Variants in RNF180 observed in about 807,000 individuals in gnomAD.
The protein encoded by RNF180 is E3 ubiquitin-protein ligase RNF180.
Under a neutral mutation model 59.2 loss-of-function variants are expected in RNF180, and 38 were observed. The observed-to-expected ratio is 0.64, with a 90% CI of 0.50 to 0.84. RNF180 has a LOEUF of 0.84. RNF180 is among the 40% of genes least tolerant of loss of function. RNF180 has a pLI of 0.00. For missense variants in RNF180, 705 were observed against 700.9 expected (o/e 1.01, Z -0.07); for synonymous variants, 262 against 240.3 (o/e 1.09, Z -0.84).
intron 5 of RNF180, among the ~76,000 whole-genome samples, chr5:64,241,778 CA>C (rs1742820726): frequency 6.6e-6 from 1 of 152,114 alleles, no homozygotes; most frequent in Admixed American, 6.6e-5. Context: ...GACAGTTTTT[CA>C]TTACCCACAT....
In RNF180 at chr5:64,369,315, T is replaced by C. The variant is rs890768867; in HGVS notation, c.1580-300T>C. Among the ~76,000 whole-genome samples, 3 of 151,320 alleles carry C rather than the reference T, an allele frequency of 2.0e-5. No homozygotes were observed. The South Asian group carries it at 6.2e-4, about 32-fold the overall frequency. ...TCACACTCTGGGGACTGTTGTGGGGTGGGGCGAGTGGGAAGGGATAGCATT... is the reference window on the plus strand; with the variant it reads ...TCACACTCTGGGGACTGTTGTGGGGCGGGGCGAGTGGGAAGGGATAGCATT... On this transcript the variant is annotated intron_variant, in intron 7 of 7. Coordinates refer to ENST00000389100, the MANE Select transcript of RNF180 (RefSeq NM_001113561.2).
chr5:64,192,935 ATAT>A, intron 1 of RNF180, among the ~76,000 whole-genome samples: 1 of 139,264 alleles, frequency 7.2e-6, no homozygotes. Flanking sequence ...ATATATATAT[ATAT>A]AAAATGAAAC....
rs536884395 is a variant in RNF180 at position 64,174,094 on chromosome 5, A to G, written c.-1+8141A>G. On this transcript the variant is annotated intron_variant, in intron 1 of 7. Coordinates refer to ENST00000389100, the MANE Select transcript of RNF180 (RefSeq NM_001113561.2). ...GTGCTTGGTTTATTTCACTTAATAT[A>G]ATGTCCTCCAGACTCATCCATGTTG... Among the ~76,000 whole-genome samples, 8 of 152,238 alleles carry G rather than the reference A, an allele frequency of 5.3e-5. No individual in the cohort carries two copies. The South Asian group carries it at 1.5e-3, about 28-fold the overall frequency.
chr5:64,192,862 G>A (rs1237805424), intron 1 of RNF180, among the ~76,000 whole-genome samples: 2 of 140,090 alleles, frequency 1.4e-5, no homozygotes, highest in African/African-American at 2.7e-5. Flanking sequence ...GAAAAAACCA[G>A]GTGCCTATTG....
chr5:64,256,197 T>G (rs1294796957), intron 5 of RNF180, among the ~76,000 whole-genome samples: 1 of 152,178 alleles, frequency 6.6e-6, no homozygotes, highest in African/African-American at 2.4e-5. Flanking sequence ...AGAAGCTCCT[T>G]AGTTTAATTA....
At chr5:64,204,033 TATA>T (rs764799977) in intron 2 of RNF180, among the ~76,000 whole-genome samples, 20 of 152,188 alleles carry the variant, frequency 1.3e-4, no homozygotes, top group Non-Finnish European at 2.5e-4. Flanking sequence ...AAGCCATATA[TATA>T]ATAAGTGTTT....
intron 5 of RNF180, among the ~76,000 whole-genome samples, chr5:64,224,357 C>G (rs1269484633): frequency 6.6e-6 from 1 of 151,988 alleles, no homozygotes; most frequent in East Asian, 1.9e-4. Flanking sequence ...CTATGCTGTC[C>G]AACACCTAAT....
At chr5:64,185,458 A>G (rs1750822987) in intron 1 of RNF180, among the ~76,000 whole-genome samples, 1 of 152,308 alleles carries the variant, frequency 6.6e-6, no homozygotes, top group South Asian at 2.1e-4. Flanking sequence ...CGTATTGTAT[A>G]CTAGGACAAG....
intron 1 of RNF180, among the ~76,000 whole-genome samples, chr5:64,167,295 T>C (rs1388870747): frequency 6.6e-6 from 1 of 152,204 alleles, no homozygotes; most frequent in Non-Finnish European, 1.5e-5. Context: ...AAAAATTATC[T>C]CGTAATTGTG....
chr5:64,294,934 A>G (rs2453815), intron 5 of RNF180, among the ~76,000 whole-genome samples: 4 of 152,074 alleles, frequency 2.6e-5, no homozygotes, highest in South Asian at 2.1e-4. Flanking sequence ...CTCTCGTTCA[A>G]TTTTTGTCCC....
intron 5 of RNF180, among the ~76,000 whole-genome samples, chr5:64,294,182 T>C (rs1332066286): frequency 6.6e-6 from 1 of 152,144 alleles, no homozygotes; most frequent in Admixed American, 6.5e-5. Flanking sequence ...TTAAAAATAA[T>C]TTAAAGGGTA....
intron 5 of RNF180, among the ~76,000 whole-genome samples, chr5:64,223,213 A>G (rs1210116252): frequency 6.6e-6 from 1 of 152,186 alleles, no homozygotes; most frequent in Non-Finnish European, 1.5e-5. Context: ...CCTTCCAGCC[A>G]TATGGCATCA....
At chr5:64,195,966 C>T (rs533955668) in intron 1 of RNF180, among the ~76,000 whole-genome samples, 3 of 152,114 alleles carry the variant, frequency 2.0e-5, no homozygotes, top group Admixed American at 6.5e-5. Context: ...AGAAAACCCG[C>T]ACAGATATGG....
intron 7 of RNF180, among the ~76,000 whole-genome samples, chr5:64,368,872 C>G (rs1027200376): frequency 6.6e-6 from 1 of 151,996 alleles, no homozygotes; most frequent in African/African-American, 2.4e-5. Flanking sequence ...GGACTGTAAA[C>G]TAGTTCAACC....
At chr5:64,358,515 T>C (rs1746115404) in intron 7 of RNF180, among the ~76,000 whole-genome samples, 1 of 151,724 alleles carries the variant, frequency 6.6e-6, no homozygotes, top group Non-Finnish European at 1.5e-5. Context: ...CAAGAAGAAC[T>C]AGAAGACATG....
chr5:64,191,091 G>T (rs6880454), intron 1 of RNF180, among the ~76,000 whole-genome samples: 15,384 of 152,174 alleles, frequency 0.1, 887 homozygotes, highest in South Asian at 0.17. Flanking sequence ...TGAGTAGATG[G>T]TATTGTTATT....
In RNF180 at chr5:64,197,021, A is replaced by G. The variant is rs1751487298; in HGVS notation, c.1-3787A>G. Among the ~76,000 whole-genome samples, 3 of 152,220 alleles carry G rather than the reference A, an allele frequency of 2.0e-5. No individual in the cohort carries two copies. In the South Asian group the frequency reaches 6.2e-4, roughly 32 times the overall value. ...TCCACCTCATCTCAAGTTTCAATTT[A>G]TGAATAACAAATAAAAAGGTCAGCA... On this transcript the variant is annotated intron_variant, in intron 1 of 7. Coordinates refer to ENST00000389100, the MANE Select transcript of RNF180 (RefSeq NM_001113561.2).
intron 5 of RNF180, among the ~76,000 whole-genome samples, chr5:64,230,875 G>T (rs1195626182): frequency 6.6e-6 from 1 of 152,120 alleles, no homozygotes; most frequent in Non-Finnish European, 1.5e-5. Flanking sequence ...TTTTCTTGGG[G>T]TTCTGAAAGT....
At position 64,276,519 on chromosome 5, in the gene RNF180, C is replaced by T. The variant is rs570866615; in HGVS notation, c.1228-48667C>T. ...ATTCTTTAAAGTAATGTATGACATG[C>T]CTGTGACTGAAGATTTAACAGATCT... On this transcript the variant is annotated intron_variant, in intron 5 of 7. Transcript: ENST00000389100. Among the ~76,000 whole-genome samples, 3 of 151,992 alleles carry T rather than the reference C, an allele frequency of 2.0e-5. No homozygotes were observed. The South Asian group carries it at 6.2e-4, about 32-fold the overall frequency.
Sources: gnomAD v4.1 joint callset for allele counts (sites outside exome capture counted in the v4.1 genomes callset) on GRCh38, gnomAD v4.1.1 for gene constraint, MANE v1.5 for transcripts, NCBI Gene and HGNC (gene_info 2026-07-23, HGNC 2026-07-21) for gene names.